Variants in USP13 observed in about 807,000 individuals in gnomAD.
The protein encoded by USP13 is ubiquitin specific peptidase 13, also known as ubiquitin carboxyl-terminal hydrolase 13.
A neutral mutation model predicts 107.8 loss-of-function variants in USP13; 68 were observed. The observed-to-expected ratio is 0.63, with a 90% CI of 0.52 to 0.77. USP13 has a LOEUF of 0.77. USP13 is among the 30% of genes least tolerant of loss of function. USP13 has a pLI of 0.00. For missense variants in USP13, 945 were observed against 1,093.3 expected (o/e 0.86, Z 1.91); for synonymous variants, 377 against 389.5 (o/e 0.97, Z 0.38).
At chr3:179,783,041 G>A (rs916149251) in intron 20 of USP13, among the ~76,000 whole-genome samples, 5 of 152,086 alleles carry the variant, frequency 3.3e-5, no homozygotes, top group Admixed American at 6.5e-5. Flanking sequence ...CACCGCACCC[G>A]GCTGGGACTT....
intron 3 of USP13, among the ~76,000 whole-genome samples, chr3:179,699,102 C>G (rs763646489): frequency 6.6e-6 from 1 of 152,034 alleles, no homozygotes; most frequent in Non-Finnish European, 1.5e-5. Flanking sequence ...CTCCTGACCT[C>G]GTGATCCACC....
In USP13 at chr3:179,653,326, C is replaced by T. The variant is rs1720142694; in HGVS notation, c.101C>T (p.Thr34Met). The change falls in exon 1 of 21, where the codon ACG becomes ATG. Residue 34 changes from threonine (T) to methionine (M), a missense_variant. Thr to Met is a moderately conservative substitution (Grantham distance 81, BLOSUM62 -1). Coordinates refer to ENST00000263966, the MANE Select transcript of USP13 (RefSeq NM_003940.3). This position sits in a 1 kb window ranked among gnomAD's most constrained non-coding sequence, Gnocchi z 4.0. The part of the protein sequence containing the change: ...IGELLVPHMP[T>M]IRVPRSGDRV... The stretch of plus-strand genomic sequence containing the variant: ...GAGCTGCTAGTGCCCCACATGCCCA[C>T]GATCCGCGTGCCCAGGTCCGGCGAC... 1 of 1,578,646 alleles carries T rather than the reference C, an allele frequency of 6.3e-7. No homozygotes were observed. Among genetic ancestry groups the T allele is most frequent in the Non-Finnish European group, 8.6e-7 (1 of 1,162,736 alleles).
intron 1 of USP13, among the ~76,000 whole-genome samples, chr3:179,671,245 A>T (rs1163617218): frequency 6.6e-6 from 1 of 152,144 alleles, no homozygotes; most frequent in Non-Finnish European, 1.5e-5. Flanking sequence ...ATAAAAAATT[A>T]AAATCTCAAG....
chr3:179,767,779 A>T (rs1715224938), intron 19 of USP13, among the ~76,000 whole-genome samples: 1 of 152,238 alleles, frequency 6.6e-6, no homozygotes, highest in African/African-American at 2.4e-5. Context: ...GTATTTAACT[A>T]AATCTACACT....
chr3:179,753,208 G>C (rs1012220808), intron 14 of USP13, among the ~76,000 whole-genome samples: 4 of 152,190 alleles, frequency 2.6e-5, no homozygotes, highest in African/African-American at 9.7e-5. Context: ...CTCGTCTGAA[G>C]GGGATAGGTA....
At chr3:179,700,463 A>T (rs1377544541) in intron 3 of USP13, among the ~76,000 whole-genome samples, 1 of 152,212 alleles carries the variant, frequency 6.6e-6, no homozygotes, top group African/African-American at 2.4e-5. Flanking sequence ...CATGCTATAA[A>T]TGAGAAAACT....
intron 1 of USP13, among the ~76,000 whole-genome samples, chr3:179,669,940 C>G (rs1720701602): frequency 6.6e-6 from 1 of 152,290 alleles, no homozygotes; most frequent in South Asian, 2.1e-4. Context: ...TGCTTCTGCC[C>G]AGTGTGCACC....
intron 1 of USP13, among the ~76,000 whole-genome samples, chr3:179,669,912 A>G (rs923433723): frequency 3.9e-5 from 6 of 152,146 alleles, no homozygotes; most frequent in African/African-American, 7.2e-5. Context: ...TTCTCACTTT[A>G]GAAGCCTCCA....
chr3:179,721,432 A>G lies in USP13; in HGVS notation c.931A>G (p.Lys311Glu). ...TENGLQDNDI[K>E]LRVSEWEVIQ... is the part of the protein sequence containing the mutation. ...GAATGGGCTCCAGGACAATGACATC[A>G]AGCTGAGGGTCAGTGAGTGGGAAGT... The change falls in exon 8 of 21, where the codon AAG becomes GAG. Residue 311 changes from lysine to glutamate, a missense_variant. Transcript: ENST00000263966. This position sits in a 1 kb window ranked among gnomAD's most constrained non-coding sequence, Gnocchi z 4.3. 6.2e-7 allele frequency: 1 copy of G among 1,614,124 alleles called. No homozygotes were observed. Among genetic ancestry groups the G allele is most frequent in the Non-Finnish European group, 8.5e-7 (1 of 1,179,994 alleles).
chr3:179,697,387 G>A (rs527970914), intron 3 of USP13, among the ~76,000 whole-genome samples: 70 of 152,298 alleles, frequency 4.6e-4, no homozygotes, highest in African/African-American at 1.6e-3. Context: ...ATATGGTCAG[G>A]GTGAGAGAAC....
At chr3:179,717,565 A>G (rs1713150632) in intron 6 of USP13, among the ~76,000 whole-genome samples, 2 of 152,100 alleles carry the variant, frequency 1.3e-5, no homozygotes, top group African/African-American at 4.8e-5. Flanking sequence ...CAGTTTTATT[A>G]TTTTCTAATA....
intron 13 of USP13, 110 bp downstream of exon 13, chr3:179,745,327 A>T: frequency 4.5e-6 from 6 of 1,327,214 alleles, no homozygotes; most frequent in Non-Finnish European, 5.2e-6. Context: ...GTGTTTGTTC[A>T]TGTGTGATGG....
chr3:179,692,937 G>T (rs566082403), intron 3 of USP13, among the ~76,000 whole-genome samples: 2 of 152,216 alleles, frequency 1.3e-5, no homozygotes, highest in South Asian at 4.1e-4. Context: ...TTTTGTTTCA[G>T]TGAGGCTTTT....
chr3:179,728,676 C>T (rs1430984800), intron 8 of USP13, among the ~76,000 whole-genome samples: 3 of 152,198 alleles, frequency 2.0e-5, no homozygotes, highest in South Asian at 2.1e-4. Flanking sequence ...CGCCACTGCA[C>T]TCCAGCCTGG....
chr3:179,709,225 TAAGGTCCTAATAC>T (rs1228599889), intron 6 of USP13, among the ~76,000 whole-genome samples: 1 of 152,232 alleles, frequency 6.6e-6, no homozygotes, highest in African/African-American at 2.4e-5. Flanking sequence ...GTGCACGCTG[TAAGGTCCTAATAC>T]AAGTTGCTGC....
At chr3:179,676,606 C>T (rs1233629440) in intron 1 of USP13, among the ~76,000 whole-genome samples, 1 of 152,138 alleles carries the variant, frequency 6.6e-6, no homozygotes, top group African/African-American at 2.4e-5. Context: ...CCATCGGGTG[C>T]TGACTCTGTA....
chr3:179,684,282 C>CACACACACACACACACAA (rs1560047693), intron 2 of USP13, among the ~76,000 whole-genome samples: 1 of 145,824 alleles, frequency 6.9e-6, no homozygotes, highest in Non-Finnish European at 1.5e-5. Context: ...CACACACACA[C>CACACACACACACACACAA]ACACACACAC....
At chr3:179,733,257 T>C (rs1458640813) in intron 10 of USP13, among the ~76,000 whole-genome samples, 3 of 152,178 alleles carry the variant, frequency 2.0e-5, no homozygotes, top group Non-Finnish European at 2.9e-5. Context: ...TATGTGCATC[T>C]AGGCAGGGGC....
Position 179,653,141 on chromosome 3 carries a change from G to T in USP13, c.-85G>T. On this transcript the variant is annotated 5_prime_UTR_variant, in exon 1 of 21. Transcript: ENST00000263966. This position sits in a 1 kb window ranked among gnomAD's most constrained non-coding sequence, Gnocchi z 4.0. Reference sequence around the variant, plus strand: ...CGTTGCCCGCGCAGCCCGCCCGTCAGCCCGCTCGCTGGCGCCGCCGCCGCC... The same window carrying T: ...CGTTGCCCGCGCAGCCCGCCCGTCATCCCGCTCGCTGGCGCCGCCGCCGCC... 9.8e-7 allele frequency: 1 copy of T among 1,015,770 alleles called. No individual in the cohort carries two copies. Among genetic ancestry groups the T allele is most frequent in the Non-Finnish European group, 1.2e-6 (1 of 850,050 alleles). 62.9% of individuals were successfully genotyped at this position (1,015,770 alleles called of 1,614,324 possible).
Sources: allele counts gnomAD v4.1 joint callset (sites outside exome capture counted in the v4.1 genomes callset), GRCh38; gene constraint gnomAD v4.1.1; non-coding constraint Gnocchi (gnomAD v3.1); transcripts MANE v1.5; gene names NCBI Gene and HGNC (gene_info 2026-07-23, HGNC 2026-07-21).